The following PCDH19 variants were observed in gnomAD, a reference collection of about 807,000 sequenced individuals.
PCDH19 encodes protocadherin 19, also known as protocadherin-19.
PCDH19 carries 6 observed loss-of-function variants against 46.2 expected under a neutral mutation model. The ratio of observed to expected loss-of-function variants is 0.13; its 90% CI spans 0.07 to 0.26. The LOEUF (loss-of-function observed/expected upper bound fraction) is 0.26, where lower values mean the gene tolerates loss of function less well. Among genes scored for constraint, PCDH19 ranks in the 10% least tolerant of loss-of-function variants. The pLI is 1.00. For synonymous variants in PCDH19, 481 were observed against 415.7 expected (o/e 1.16, Z -1.91); for missense variants, 740 against 972.3 (o/e 0.76, Z 3.18).
In PCDH19 at chrX:100,406,402, A is replaced by G. The variant is rs187699552; in HGVS notation, c.2147+49T>C. Reference sequence around the variant, plus strand: ...CCAGGATTTTCACACAGAGACACAGATAAACACACCTTATTCATCCAAGAC... The same window carrying G: ...CCAGGATTTTCACACAGAGACACAGGTAAACACACCTTATTCATCCAAGAC... On this transcript the variant is annotated intron_variant, in intron 1 of 5. Coordinates refer to ENST00000373034, the MANE Select transcript of PCDH19 (RefSeq NM_001184880.2). 1.1e-4 allele frequency: 111 copies of G among 985,976 alleles called. No individual in the cohort carries two copies. The African/African-American group carries it at 1.7e-3, about 15-fold the overall frequency. The allele number at this position is 985,976 out of a possible 1,213,427, so 81.3% of individuals were successfully genotyped here.
At chrX:100,317,631 A>G (rs1451066524) in intron 5 of PCDH19, among the ~76,000 whole-genome samples, 1 of 109,167 alleles carries the variant, frequency 9.2e-6, no homozygotes, top group Non-Finnish European at 1.9e-5. Flanking sequence ...CAGTGAAGAG[A>G]CTAGCGCTAC....
chrX:100,310,141 A>T (rs1925087710), intron 5 of PCDH19, among the ~76,000 whole-genome samples: 1 of 112,316 alleles, frequency 8.9e-6, no homozygotes, highest in South Asian at 3.7e-4. Context: ...TCAAACAGAC[A>T]AAGTTAAAAC....
chrX:100,349,958 G>T (rs1373328055), intron 4 of PCDH19, among the ~76,000 whole-genome samples: 1 of 112,140 alleles, frequency 8.9e-6, no homozygotes, highest in Non-Finnish European at 1.9e-5. Flanking sequence ...TGGCTCCTTG[G>T]ATACTAAATT....
At chrX:100,323,494 T>G (rs1420908956) in intron 5 of PCDH19, among the ~76,000 whole-genome samples, 1 of 111,804 alleles carries the variant, frequency 8.9e-6, no homozygotes, top group Non-Finnish European at 1.9e-5. Flanking sequence ...TGCACTGCTT[T>G]ACAATAGATC....
At chrX:100,364,784 T>C (rs372820961) in intron 3 of PCDH19, among the ~76,000 whole-genome samples, 20 of 112,346 alleles carry the variant, frequency 1.8e-4, no homozygotes, top group African/African-American at 6.1e-4. Flanking sequence ...ACCTCTCACC[T>C]GTCTCTTTCA....
At chrX:100,364,840 G>T (rs1254317033) in intron 3 of PCDH19, among the ~76,000 whole-genome samples, 1 of 112,319 alleles carries the variant, frequency 8.9e-6, no homozygotes, top group Non-Finnish European at 1.9e-5. Flanking sequence ...TTTTAAGAAA[G>T]GCTGATGTGC....
intron 5 of PCDH19, among the ~76,000 whole-genome samples, chrX:100,333,191 A>G (rs201826981): frequency 0.07 from 3,166 of 45,433 alleles, 80 homozygotes; most frequent in Middle Eastern, 0.1. Context: ...GAGAGAAAGA[A>G]AGAAAGAAAG....
At chrX:100,393,541 C>T (rs1171903819) in intron 3 of PCDH19, among the ~76,000 whole-genome samples, 1 of 107,263 alleles carries the variant, frequency 9.3e-6, no homozygotes, top group African/African-American at 3.5e-5. Context: ...CACACAAACT[C>T]CCCTAAAGAG....
At position 100,363,886 on chromosome X, in the gene PCDH19, T is replaced by TGTGTGTGTGAGAGA. The variant is rs1207488480; in HGVS notation, c.2617-13183_2617-13182insTCTCTCACACACAC. ...GTGTGTGTGTGTGTGTGTGTGTGTG[T>TGTGTGTGTGAGAGA]GAGAGAGAGGGAGAGGGAGAGAGAA... On this transcript the variant is annotated intron_variant, in intron 3 of 5. Transcript: ENST00000373034. Among the ~76,000 whole-genome samples, 26 of 98,041 alleles carry TGTGTGTGTGAGAGA rather than the reference T, an allele frequency of 2.7e-4. No homozygotes were observed. The South Asian group carries it at 2.7e-3, about 10-fold the overall frequency. The allele number at this position is 98,041 out of a possible 115,157, so 85.1% of individuals were successfully genotyped here.
rs1401211548 is a variant in PCDH19, at chrX:100,326,169, A to AT, written c.2848+15733dup. Among the ~76,000 whole-genome samples the AT allele has an allele frequency of 1.6e-3, 182 of 111,798 alleles. 4 individuals carry two copies. The highest frequency in any genetic ancestry group is 1.8e-3 in the Non-Finnish European group (97 of 53,138). ...AATTTTATAAAGGGCTTTGGTTGAG[A>AT]TTTTTTTTCTATCATTAACAAATTT... On this transcript the variant is annotated intron_variant, in intron 5 of 5. Transcript: ENST00000373034.
intron 3 of PCDH19, among the ~76,000 whole-genome samples, chrX:100,362,286 C>T (rs769562286): frequency 9.0e-6 from 1 of 111,248 alleles, no homozygotes; most frequent in Non-Finnish European, 1.9e-5. Context: ...TCATCCTGGT[C>T]GGCTCAATAC....
intron 3 of PCDH19, among the ~76,000 whole-genome samples, chrX:100,389,047 GTGTT>G (rs1396625191): frequency 9.0e-6 from 1 of 110,968 alleles, no homozygotes; most frequent in Non-Finnish European, 1.9e-5. Flanking sequence ...TTATATTGGG[GTGTT>G]TGTCTTTTCA....
intron 3 of PCDH19, among the ~76,000 whole-genome samples, chrX:100,370,224 G>C (rs200043248): frequency 8.9e-6 from 1 of 112,416 alleles, no homozygotes; most frequent in East Asian, 2.8e-4. Context: ...GTAGGGAAAA[G>C]AATATCACAG....
chrX:100,311,276 CA>C (rs1382434326), intron 5 of PCDH19, among the ~76,000 whole-genome samples: 2 of 111,671 alleles, frequency 1.8e-5, no homozygotes, highest in Non-Finnish European at 3.8e-5. Context: ...TCATGATGGT[CA>C]TGAGCTTCTA....
chrX:100,407,823 G>A lies in PCDH19; in HGVS notation c.775C>T (p.Arg259Cys). Residue 259 changes from arginine to cysteine, a missense_variant, in exon 1 of 6, where the codon CGC (arginine) becomes TGC (cysteine). Around this residue, in one of 5 missense-constraint regions of PCDH19, gnomAD observed 186 missense variants for 319.9 expected, o/e 0.58. Transcript: ENST00000373034. ...ENSPPNTPVIRLNASDPDEGT... is the reference protein window; with the variant it reads ...ENSPPNTPVICLNASDPDEGT... Reference sequence around the variant, plus strand: ...TCGTCTGGATCGCTGGCGTTGAGGCGGATGACGGGTGTGTTGGGAGGCGAG... The same window carrying A: ...TCGTCTGGATCGCTGGCGTTGAGGCAGATGACGGGTGTGTTGGGAGGCGAG... 1 of 1,212,298 alleles carries A rather than the reference G, an allele frequency of 8.2e-7. No homozygotes were observed. Among genetic ancestry groups the A allele is most frequent in the Non-Finnish European group, 1.1e-6 (1 of 895,624 alleles).
At chrX:100,388,857 T>C (rs1425819076) in intron 3 of PCDH19, among the ~76,000 whole-genome samples, 1 of 111,471 alleles carries the variant, frequency 9.0e-6, no homozygotes, top group Non-Finnish European at 1.9e-5. Flanking sequence ...TTAACTTTTG[T>C]TTTACACATT....
At chrX:100,346,778 C>T (rs1926413788) in intron 4 of PCDH19, among the ~76,000 whole-genome samples, 2 of 112,142 alleles carry the variant, frequency 1.8e-5, no homozygotes, top group African/African-American at 3.2e-5. Context: ...GTGCTTTGTT[C>T]ATTTCCTATT....
rs188611215 is a variant in PCDH19 at position 100,323,176 on chromosome X, T to C, written c.2848+18727A>G. Reference sequence around the variant, plus strand: ...ACACACACTGAGAGGTCAATATCTATACAGGTGCCAGTTCTGTAGACATAC... The same window carrying C: ...ACACACACTGAGAGGTCAATATCTACACAGGTGCCAGTTCTGTAGACATAC... On this transcript the variant is annotated intron_variant, in intron 5 of 5. Transcript: ENST00000373034. Among the ~76,000 whole-genome samples, 5 of 110,314 alleles carry C rather than the reference T, an allele frequency of 4.5e-5. No homozygotes were observed. The East Asian group carries it at 1.4e-3, about 31-fold the overall frequency.
At position 100,362,233 on chromosome X, in the gene PCDH19, A is replaced by C. The variant is rs1325713001; in HGVS notation, c.2617-11529T>G. On this transcript the variant is annotated intron_variant, in intron 3 of 5. Coordinates refer to ENST00000373034, the MANE Select transcript of PCDH19 (RefSeq NM_001184880.2). The stretch of plus-strand genomic sequence containing the variant: ...GAGACCCCTTTCTTCTTTCACTCTT[A>C]TGTACACACCTTTCTCTCGAAGGAA... 5.4e-5 allele frequency among the ~76,000 whole-genome samples: 6 copies of C among 110,319 alleles called. No individual in the cohort carries two copies. In the Admixed American group the frequency reaches 5.8e-4, roughly 11 times the overall value.
Sources: allele counts gnomAD v4.1 joint callset (sites outside exome capture counted in the v4.1 genomes callset), GRCh38; gene constraint gnomAD v4.1.1; regional missense constraint gnomAD v4.1.1; transcripts MANE v1.5; gene names NCBI Gene and HGNC (gene_info 2026-07-23, HGNC 2026-07-21).